The following LRP2 variants were observed in gnomAD, a reference collection of about 807,000 sequenced individuals.
The protein encoded by LRP2 is low-density lipoprotein receptor-related protein 2.
Under a neutral mutation model 531.0 loss-of-function variants are expected in LRP2, and 172 were observed. The ratio of observed to expected loss-of-function variants is 0.32; its 90% CI spans 0.29 to 0.37. LRP2 has a LOEUF of 0.37. Ranked by LOEUF, LRP2 falls within the 10% of genes least tolerant of loss-of-function variation. The pLI is 1.00. For synonymous variants in LRP2, 1,992 were observed against 2,027.6 expected (o/e 0.98, Z 0.47); for missense variants, 5,167 against 5,868.3 (o/e 0.88, Z 3.90).
At chr2:169,231,439 G>A (rs1021663364) in intron 31 of LRP2, among the ~76,000 whole-genome samples, 19 of 152,156 alleles carry the variant, frequency 1.2e-4, no homozygotes, top group Admixed American at 1.2e-3. Flanking sequence ...ATCATGGCTT[G>A]TCAGAGAAGT....
rs200469773 is a variant in LRP2, at chr2:169,237,232, C to T, written c.4562G>A (p.Arg1521His). 141 of 1,613,690 alleles carry T rather than the reference C, an allele frequency of 8.7e-5. No homozygotes were observed. The highest frequency in any genetic ancestry group is 1.1e-4 in the Non-Finnish European group (127 of 1,179,670). Residue 1521 changes from arginine (R) to histidine (H), a missense_variant, in exon 28 of 79, where the codon CGT becomes CAT. Arg to His is a conservative substitution (Grantham distance 29, BLOSUM62 0). Transcript: ENST00000649046. ...TETIAIDWVG[R>H]NLYWTDYALE... Reference sequence around the variant, plus strand: ...AGCATAGTCTGTCCAGTAAAGATTACGACCTACCCAATCTATTGCAATAGT... The same window carrying T: ...AGCATAGTCTGTCCAGTAAAGATTATGACCTACCCAATCTATTGCAATAGT...
chr2:169,342,450 C>T (rs767497678), intron 1 of LRP2, among the ~76,000 whole-genome samples: 92 of 152,140 alleles, frequency 6.0e-4, no homozygotes, highest in Admixed American at 1.8e-3. Context: ...AATCCTCTAA[C>T]TTAACTAGTT....
rs927432899 is a variant in LRP2 at position 169,208,590 on chromosome 2, G to T, written c.6469+863C>A. Among the ~76,000 whole-genome samples the T allele has an allele frequency of 2.3e-4, 35 of 152,200 alleles. 1 individual carries two copies. The highest frequency in any genetic ancestry group is 8.4e-4 in the African/African-American group (35 of 41,520). On this transcript the variant is annotated intron_variant, in intron 38 of 78. Coordinates refer to ENST00000649046, the MANE Select transcript of LRP2 (RefSeq NM_004525.3). ...TCCTGCCTCAGGCTCCTGAGTAGCT[G>T]GGATTACAGGCGTACGCCACCATGC... is the stretch of plus-strand genomic sequence containing the variant.
chr2:169,322,043 C>T (rs926282244), intron 1 of LRP2, among the ~76,000 whole-genome samples: 1 of 152,184 alleles, frequency 6.6e-6, no homozygotes, highest in Non-Finnish European at 1.5e-5. Context: ...TATTCTTTCA[C>T]AAACCCAAGG....
intron 34 of LRP2, among the ~76,000 whole-genome samples, chr2:169,218,622 T>C (rs1468571745): frequency 1.3e-5 from 2 of 152,122 alleles, no homozygotes; most frequent in Non-Finnish European, 2.9e-5. Context: ...CCAAAATTAA[T>C]GTCTTCCTCT....
At chr2:169,315,959 CAAAAAAAAA>C (rs536458606) in intron 3 of LRP2, among the ~76,000 whole-genome samples, 10 of 73,746 alleles carry the variant, frequency 1.4e-4, no homozygotes, top group African/African-American at 5.1e-4. Flanking sequence ...CCCATCTCTA[CAAAAAAAAA>C]AAAAAAAAAA....
Position 169,185,667 on chromosome 2 carries a change from G to C in LRP2, c.9681C>G (p.Asp3227Glu), listed in dbSNP as rs780210235. ...YFYSLILEGL[D>E]NVVALDFDRV... is the part of the protein sequence containing the mutation. ...GGTCAAAATCTAATGCCACAACATT[G>C]TCCAGTCCTTCCAAGATGAGGGAGT... Residue 3227 changes from aspartate (D) to glutamate (E), a missense_variant, in exon 50 of 79, where the codon GAC (aspartate) becomes GAG (glutamate). Asp to Glu is a conservative substitution (Grantham distance 45, BLOSUM62 2). Around this residue, in one of 6 missense-constraint regions of LRP2, gnomAD observed 1,129 missense variants for 1,362.7 expected, o/e 0.83. Coordinates refer to ENST00000649046, the MANE Select transcript of LRP2 (RefSeq NM_004525.3). The C allele has an allele frequency of 1.9e-6, 3 of 1,614,086 alleles. No individual in the cohort carries two copies. In the East Asian group the frequency reaches 6.7e-5, roughly 36 times the overall value.
intron 9 of LRP2, among the ~76,000 whole-genome samples, chr2:169,287,994 A>G (rs1415068598): frequency 6.6e-6 from 1 of 152,100 alleles, no homozygotes; most frequent in Non-Finnish European, 1.5e-5. Flanking sequence ...AAGGAATATC[A>G]AAAGAATATA....
chr2:169,145,327 A>C (rs560000854), intron 70 of LRP2, among the ~76,000 whole-genome samples: 1 of 152,340 alleles, frequency 6.6e-6, no homozygotes, highest in South Asian at 2.1e-4. Context: ...ACTAAGACCT[A>C]CATATCTCAG....
At position 169,207,052 on chromosome 2, in the gene LRP2, G is replaced by A. The variant is rs1183138491; in HGVS notation, c.6668C>T (p.Thr2223Ile). The change falls in exon 39 of 79, where the codon ACC becomes ATC. Residue 2223 changes from threonine (T) to isoleucine (I), a missense_variant. Coordinates refer to ENST00000649046, the MANE Select transcript of LRP2 (RefSeq NM_004525.3). Reference protein sequence around the residue: ...PKIERSFLDCTNRTVLVSEGI... With the variant: ...PKIERSFLDCINRTVLVSEGI... ...CTCTGACACAAGCACTGTTCGATTG[G>A]TACAGTCAAGGAAAGAACGCTCAAT... 5.6e-6 allele frequency: 9 copies of A among 1,614,032 alleles called. No homozygotes were observed. The highest frequency in any genetic ancestry group is 1.3e-5 in the African/African-American group (1 of 74,926).
chr2:169,176,573 C>T lies in LRP2; in HGVS notation c.10409G>A (p.Gly3470Asp), dbSNP rs1428913616. 3.1e-6 allele frequency: 5 copies of T among 1,614,096 alleles called. No homozygotes were observed. Among genetic ancestry groups the T allele is most frequent in the Non-Finnish European group, 4.2e-6 (5 of 1,180,016 alleles). Residue 3470 changes from glycine to aspartate, a missense_variant, in exon 54 of 79, where the codon GGT becomes GAT. Around this residue, in one of 6 missense-constraint regions of LRP2, gnomAD observed 1,129 missense variants for 1,362.7 expected, o/e 0.83. Coordinates refer to ENST00000649046, the MANE Select transcript of LRP2 (RefSeq NM_004525.3). ...YRQPIVSNPC[G>D]TNNGGCSHLC... Reference sequence around the variant, plus strand: ...ATGAGAACAGCCACCATTGTTGGTACCACAGGGATTGCTCACTAGTGGAAA... The same window carrying T: ...ATGAGAACAGCCACCATTGTTGGTATCACAGGGATTGCTCACTAGTGGAAA...
At position 169,206,990 on chromosome 2, in the gene LRP2, T is replaced by C; in HGVS notation, c.6730A>G (p.Ser2244Gly). The C allele has an allele frequency of 6.2e-7, 1 of 1,614,220 alleles. No homozygotes were observed. The highest frequency in any genetic ancestry group is 8.5e-7 in the Non-Finnish European group (1 of 1,180,034). ...TCAACCCAATAAACGTAGCCATCACTTCGGTCCACTGCCAAGCCCCGTGGT... is the reference window on the plus strand; with the variant it reads ...TCAACCCAATAAACGTAGCCATCACCTCGGTCCACTGCCAAGCCCCGTGGT... Reference protein sequence around the residue: ...VTPRGLAVDRSDGYVYWVDDS... With the variant: ...VTPRGLAVDRGDGYVYWVDDS... The change falls in exon 39 of 79, where the codon AGT becomes GGT. Residue 2244 changes from serine (S) to glycine (G), a missense_variant. Physicochemically the swap from Ser to Gly is moderately conservative, Grantham distance 56 (BLOSUM62 0). Around this residue, in one of 6 missense-constraint regions of LRP2, gnomAD observed 2,811 missense variants for 3,058.0 expected, o/e 0.92. Coordinates refer to ENST00000649046, the MANE Select transcript of LRP2 (RefSeq NM_004525.3).
Position 169,189,558 on chromosome 2 carries a change from C to T in LRP2, c.9033-1293G>A, listed in dbSNP as rs192515683. 3.0e-3 allele frequency among the ~76,000 whole-genome samples: 457 copies of T among 152,282 alleles called. 3 individuals carry two copies. The highest frequency in any genetic ancestry group is 0.011 in the African/African-American group (439 of 41,566). ...ACTATTGCAAGTCAGTATTCCAGCTCATCACCAAATTGTCACCCCTCAGTC... is the reference window on the plus strand; with the variant it reads ...ACTATTGCAAGTCAGTATTCCAGCTTATCACCAAATTGTCACCCCTCAGTC... On this transcript the variant is annotated intron_variant, in intron 48 of 78. Coordinates refer to ENST00000649046, the MANE Select transcript of LRP2 (RefSeq NM_004525.3).
At chr2:169,213,204 T>C (rs961555582) in intron 36 of LRP2, among the ~76,000 whole-genome samples, 17 of 152,204 alleles carry the variant, frequency 1.1e-4, no homozygotes, top group Non-Finnish European at 2.1e-4. Flanking sequence ...AGACTAAAAA[T>C]TCCATCCCAT....
rs1427121369 is a variant in LRP2 at position 169,259,224 on chromosome 2, G to C, written c.2321-7C>G. The C allele has an allele frequency of 5.6e-6, 9 of 1,602,230 alleles. No homozygotes were observed. Among genetic ancestry groups the C allele is most frequent in the Non-Finnish European group, 7.7e-6 (9 of 1,171,118 alleles). On this transcript the variant is annotated splice_region_variant and splice_polypyrimidine_tract_variant and intron_variant, in intron 16 of 78. Transcript: ENST00000649046. ...GCTGCGAGAATTTCTCTTCCTATAA[G>C]TTAAAATATGGACATATTTTAAGCT...
chr2:169,153,083 T>C (rs1293889519), intron 66 of LRP2, 119 bp from the exon 67 acceptor site: 4 of 885,112 alleles, frequency 4.5e-6, no homozygotes, highest in Non-Finnish European at 7.7e-6. Context: ...CTCCTCACTG[T>C]TGTTATAATA....
Position 169,326,813 on chromosome 2 carries a change from G to A in LRP2, c.80-5929C>T, listed in dbSNP as rs1252320445. ...AGCCATCCCATCTGGGAAGTGAGGA[G>A]CGTCTCTGCCCGGCCGCCCATCGTC... On this transcript the variant is annotated intron_variant, in intron 1 of 78. Transcript: ENST00000649046. Among the ~76,000 whole-genome samples, 377 of 151,326 alleles carry A rather than the reference G, an allele frequency of 2.5e-3. 1 individual carries two copies. The highest frequency in any genetic ancestry group is 8.6e-3 in the African/African-American group (353 of 41,074).
Position 169,233,570 on chromosome 2 carries a change from C to T in LRP2, c.4939G>A (p.Ala1647Thr). Residue 1647 changes from alanine (A) to threonine (T), a missense_variant, in exon 30 of 79, where the codon GCC becomes ACC. Physicochemically the swap from Ala to Thr is moderately conservative, Grantham distance 58. Coordinates refer to ENST00000649046, the MANE Select transcript of LRP2 (RefSeq NM_004525.3). ...ACAGAGTCTTCAAAGAGAGTTAGGGCATAGGGGTGCCGTATAATCTGTGAG... is the reference window on the plus strand; with the variant it reads ...ACAGAGTCTTCAAAGAGAGTTAGGGTATAGGGGTGCCGTATAATCTGTGAG... ...ASDLIIRHPYALTLFEDSVYW... is the reference protein window; with the variant it reads ...ASDLIIRHPYTLTLFEDSVYW... 6.2e-7 allele frequency: 1 copy of T among 1,614,094 alleles called. No individual in the cohort carries two copies. Among genetic ancestry groups the T allele is most frequent in the Non-Finnish European group, 8.5e-7 (1 of 1,180,000 alleles).
chr2:169,273,780 G>T (rs1448344821), intron 14 of LRP2, among the ~76,000 whole-genome samples: 1 of 152,102 alleles, frequency 6.6e-6, no homozygotes, highest in African/African-American at 2.4e-5. Context: ...TTCTCAGGTG[G>T]ATTGATTTGG....
Sources: gnomAD v4.1 joint callset for allele counts (sites outside exome capture counted in the v4.1 genomes callset) on GRCh38, gnomAD v4.1.1 for gene constraint, gnomAD v4.1.1 regional missense constraint, MANE v1.5 for transcripts, NCBI Gene and HGNC (gene_info 2026-07-23, HGNC 2026-07-21) for gene names.